Variants in TBL1XR1 observed in about 807,000 individuals in gnomAD.
The protein encoded by TBL1XR1 is F-box-like/WD repeat-containing protein TBL1XR1.
In TBL1XR1, 5 loss-of-function variants were observed where a neutral mutation model predicts 66.9. The observed-to-expected ratio is 0.07, with a 90% confidence interval of 0.04 to 0.16. The LOEUF (loss-of-function observed/expected upper bound fraction) is 0.16. Ranked by LOEUF, TBL1XR1 falls within the 10% of genes least tolerant of loss-of-function variation. TBL1XR1 has a pLI of 1.00. For synonymous variants in TBL1XR1, 210 were observed against 206.0 expected (o/e 1.02, Z -0.17); for missense variants, 238 against 623.2 (o/e 0.38, Z 6.58).
At chr3:177,163,459 A>C (rs1012030444) in intron 1 of TBL1XR1, among the ~76,000 whole-genome samples, 3 of 152,132 alleles carry the variant, frequency 2.0e-5, no homozygotes, top group Non-Finnish European at 4.4e-5. Flanking sequence ...CAGTGAGCCA[A>C]GATCATGCCA....
At chr3:177,194,100 T>G (rs1202092482) in intron 1 of TBL1XR1, 1 of 152,200 alleles carries the variant, frequency 6.6e-6, no homozygotes, top group African/African-American at 2.4e-5. Flanking sequence ...GCCAAATCTC[T>G]CCAGCATCAG....
chr3:177,176,934 C>A (rs1289573694), intron 1 of TBL1XR1, among the ~76,000 whole-genome samples: 1 of 152,060 alleles, frequency 6.6e-6, no homozygotes. Flanking sequence ...AGGCAGTGAT[C>A]GCACCACTTT....
intron 2 of TBL1XR1, among the ~76,000 whole-genome samples, chr3:177,073,271 GA>G (rs1720275896): frequency 6.6e-6 from 1 of 152,122 alleles, no homozygotes; most frequent in Non-Finnish European, 1.5e-5. Flanking sequence ...TTTTGTCAAA[GA>G]GTTTCTCTGG....
chr3:177,053,941 G>A, intron 3 of TBL1XR1, 23 bp from the exon 4 acceptor site: 1 of 1,589,952 alleles, frequency 6.3e-7, no homozygotes, highest in East Asian at 2.2e-5. Flanking sequence ...GAAAAGGCAT[G>A]AGAATTTATT....
intron 2 of TBL1XR1, among the ~76,000 whole-genome samples, chr3:177,085,446 C>A (rs1722001509): frequency 6.6e-6 from 1 of 152,082 alleles, no homozygotes; most frequent in African/African-American, 2.4e-5. Context: ...AGGAATGGTA[C>A]AGATGAAGAA....
intron 1 of TBL1XR1, among the ~76,000 whole-genome samples, chr3:177,170,470 C>T (rs1375856009): frequency 6.6e-6 from 1 of 152,134 alleles, no homozygotes; most frequent in African/African-American, 2.4e-5. Flanking sequence ...GGTTAATAAC[C>T]CTTCCCAGGT....
intron 2 of TBL1XR1, among the ~76,000 whole-genome samples, chr3:177,095,496 T>TA (rs71170850): frequency 0.12 from 12,571 of 106,476 alleles, 632 homozygotes; most frequent in Admixed American, 0.2. Context: ...TGCAATTAGA[T>TA]TTTTTTTTTT....
intron 2 of TBL1XR1, among the ~76,000 whole-genome samples, chr3:177,081,361 TTTAGGG>T (rs1721365430): frequency 6.6e-6 from 1 of 152,234 alleles, no homozygotes; most frequent in Non-Finnish European, 1.5e-5. Context: ...CAGATAACTC[TTTAGGG>T]TTCTATTTTG....
chr3:177,157,809 G>A (rs1049097366), intron 1 of TBL1XR1, among the ~76,000 whole-genome samples: 15 of 152,128 alleles, frequency 9.9e-5, no homozygotes, highest in African/African-American at 3.4e-4. Context: ...CTGCAATTGG[G>A]AACAAGGGAA....
chr3:177,032,960 T>C lies in TBL1XR1; in HGVS notation c.1416+11A>G. The C allele has an allele frequency of 6.5e-7, 1 of 1,542,224 alleles. No homozygotes were observed. Among genetic ancestry groups the C allele is most frequent in the South Asian group, 1.2e-5 (1 of 80,152 alleles). On this transcript the variant is annotated intron_variant, in intron 14 of 15. Transcript: ENST00000457928. ...TAAGAGCACTTGACCATTTAAATAATGAAGACATACCTGCGTGTTCCAGAT... is the reference window on the plus strand; with the variant it reads ...TAAGAGCACTTGACCATTTAAATAACGAAGACATACCTGCGTGTTCCAGAT...
chr3:177,139,210 G>A (rs78195705), intron 1 of TBL1XR1, among the ~76,000 whole-genome samples: 5,539 of 152,216 alleles, frequency 0.036, 153 homozygotes, highest in Middle Eastern at 0.078. Flanking sequence ...AAAACAAATA[G>A]CAATGGCTAT....
intron 2 of TBL1XR1, among the ~76,000 whole-genome samples, chr3:177,073,732 AC>A (rs1379026733): frequency 6.6e-6 from 1 of 152,158 alleles, no homozygotes; most frequent in African/African-American, 2.4e-5. Flanking sequence ...AGCCAAACTT[AC>A]CCCATTTGCT....
At chr3:177,078,543 C>T (rs1449928731) in intron 2 of TBL1XR1, 1 of 151,170 alleles carries the variant, frequency 6.6e-6, no homozygotes, top group African/African-American at 2.4e-5. Flanking sequence ...TATGATTATA[C>T]CACCACTGCA....
chr3:177,201,001 C>T (rs550411777), upstream of TBL1XR1, among the ~76,000 whole-genome samples: 18 of 149,740 alleles, frequency 1.2e-4, no homozygotes, highest in Non-Finnish European at 1.8e-4. Flanking sequence ...AGTGAGACTC[C>T]GTCTCAAAAA....
intron 2 of TBL1XR1, among the ~76,000 whole-genome samples, chr3:177,065,480 C>T (rs990175473): frequency 6.6e-6 from 1 of 152,152 alleles, no homozygotes; most frequent in Admixed American, 6.5e-5. Flanking sequence ...ATCTATGAAA[C>T]TTGGCAGGAT....
intron 1 of TBL1XR1, among the ~76,000 whole-genome samples, chr3:177,134,542 A>G (rs962829963): frequency 6.6e-6 from 1 of 152,238 alleles, no homozygotes; most frequent in African/African-American, 2.4e-5. Context: ...GTTATAGGCA[A>G]AACAGTACTA....
intron 2 of TBL1XR1, among the ~76,000 whole-genome samples, chr3:177,082,765 TATG>T: frequency 7.7e-6 from 1 of 129,734 alleles, no homozygotes; most frequent in Non-Finnish European, 1.7e-5. Context: ...TATATATATA[TATG>T]AATATGAGAC....
intron 15 of TBL1XR1, 130 bp downstream of exon 15, chr3:177,026,243 G>GAA (rs3046447): frequency 5.9e-5 from 36 of 614,488 alleles, no homozygotes; most frequent in Non-Finnish European, 8.2e-5. Context: ...ACAGCCTCAG[G>GAA]AAAAAAAAAA....
At chr3:177,195,172 A>C (rs1326872726) in intron 1 of TBL1XR1, among the ~76,000 whole-genome samples, 1 of 152,106 alleles carries the variant, frequency 6.6e-6, no homozygotes, top group African/African-American at 2.4e-5. Context: ...GCGATTACAT[A>C]CATCTCAGTG....
Sources: gnomAD v4.1 joint callset for allele counts (sites outside exome capture counted in the v4.1 genomes callset) on GRCh38, gnomAD v4.1.1 for gene constraint, MANE v1.5 for transcripts, NCBI Gene and HGNC (gene_info 2026-07-23, HGNC 2026-07-21) for gene names.